The following HERPUD1 variants were observed in gnomAD, a reference collection of about 807,000 sequenced individuals.
HERPUD1 encodes homocysteine-responsive endoplasmic reticulum-resident ubiquitin-like domain member 1 protein.
In HERPUD1, 17 loss-of-function variants were observed where a neutral mutation model predicts 45.0. The ratio of observed to expected loss-of-function variants is 0.38; its 90% CI spans 0.26 to 0.57. HERPUD1 has a LOEUF of 0.57. Among genes scored for constraint, HERPUD1 ranks in the 20% least tolerant of loss-of-function variants. The pLI, the probability that HERPUD1 is intolerant of heterozygous loss-of-function variation, is 0.72. For missense variants in HERPUD1, 420 were observed against 490.5 expected, an observed-to-expected ratio of 0.86 and a Z score of 1.36; for synonymous variants, 164 against 177.5, an observed-to-expected ratio of 0.92 and a Z score of 0.61.
chr16:56,940,283 C>G, intron 6 of HERPUD1, 38 bp downstream of exon 6: 1 of 1,422,068 alleles, frequency 7.0e-7, no homozygotes, highest in Admixed American at 1.8e-5. Context: ...TTACACTACA[C>G]TGTGTTCACA....
intron 3 of HERPUD1, 71 bp downstream of exon 3, chr16:56,935,546 G>A (rs1240455531): frequency 7.7e-7 from 1 of 1,299,694 alleles, no homozygotes; most frequent in Admixed American, 1.7e-5. Context: ...AAAAGAAGTT[G>A]GATAAAACGT....
chr16:56,939,216 T>C (rs766652000), intron 4 of HERPUD1, 21 bp from the exon 5 acceptor site: 1 of 1,610,688 alleles, frequency 6.2e-7, no homozygotes, highest in Non-Finnish European at 8.5e-7. Context: ...AAAATGAGTG[T>C]TTTTTCAAAT....
intron 3 of HERPUD1, chr16:56,936,471 G>A (rs2055867061): frequency 3.1e-6 from 1 of 321,048 alleles, no homozygotes; most frequent in African/African-American, 2.1e-5. Flanking sequence ...GCATACTCTA[G>A]GGAAAAAATA....
chr16:56,939,335 A>G lies in HERPUD1; in HGVS notation c.530A>G (p.Tyr177Cys). ...WLQLSWFQQIYARQYYMQYLA... is the reference protein window; with the variant it reads ...WLQLSWFQQICARQYYMQYLA... Reference sequence around the variant, plus strand: ...CAGCTTTCCTGGTTCCAGCAGATATATGCACGACAGTACTACATGCAATAG... The same window carrying G: ...CAGCTTTCCTGGTTCCAGCAGATATGTGCACGACAGTACTACATGCAATAG... Residue 177 changes from tyrosine to cysteine, a missense_variant, in exon 5 of 8, where the codon TAT becomes TGT. By Grantham distance (194) the Tyr-to-Cys change is radical. Transcript: ENST00000439977. The G allele has an allele frequency of 6.2e-7, 1 of 1,614,190 alleles. No homozygotes were observed. The highest frequency in any genetic ancestry group is 8.5e-7 in the Non-Finnish European group (1 of 1,180,034).
intron 1 of HERPUD1, among the ~76,000 whole-genome samples, chr16:56,933,932 G>A (rs1198918360): frequency 6.6e-6 from 1 of 152,136 alleles, no homozygotes; most frequent in Non-Finnish European, 1.5e-5. Context: ...GTATGTATTA[G>A]CATTTACCTT....
rs752873588 is a variant in HERPUD1, at chr16:56,932,218, C to T, written c.-27C>T. The T allele has an allele frequency of 2.1e-5, 34 of 1,600,944 alleles. No homozygotes were observed. The highest frequency in any genetic ancestry group is 2.8e-5 in the Non-Finnish European group (33 of 1,177,856). On this transcript the variant is annotated 5_prime_UTR_variant, in exon 1 of 8. Transcript: ENST00000439977. Reference sequence around the variant, plus strand: ...GCCTGCCTGGCACCTAGGAGCGCAGCGGAGCCCCGACACCGCCGCCGCCGC... The same window carrying T: ...GCCTGCCTGGCACCTAGGAGCGCAGTGGAGCCCCGACACCGCCGCCGCCGC...
In HERPUD1 at chr16:56,936,794, C is replaced by T; in HGVS notation, c.408C>T (p.Ser136=). The T allele has an allele frequency of 6.2e-7, 1 of 1,613,826 alleles. No individual in the cohort carries two copies. The highest frequency in any genetic ancestry group is 8.5e-7 in the Non-Finnish European group (1 of 1,179,840). ...RQREVLRNLS[S]PGWENISRPE... is the part of the protein sequence containing the mutation. ...GGGAAGTTCTTCGGAACCTTTCTTC[C>T]CCTGGATGGGAAAACATCTCAAGGT... Residue 136 remains serine, a synonymous_variant, in exon 4 of 8, where the codon TCC becomes TCT. Transcript: ENST00000439977.
chr16:56,934,758 C>G (rs1342418669), intron 1 of HERPUD1, among the ~76,000 whole-genome samples: 1 of 125,826 alleles, frequency 7.9e-6, no homozygotes, highest in Non-Finnish European at 1.6e-5. Flanking sequence ...GTCGCCCAGG[C>G]TGGAGTGCAG....
At chr16:56,939,133 C>A in intron 4 of HERPUD1, 104 bp from the exon 5 acceptor site, 1 of 1,316,548 alleles carries the variant, frequency 7.6e-7, no homozygotes, top group Non-Finnish European at 1.1e-6. Flanking sequence ...AAATTCCATT[C>A]TTCTGTCTCT....
At chr16:56,935,770 T>C (rs1241673115) in intron 3 of HERPUD1, 2 of 371,074 alleles carry the variant, frequency 5.4e-6, no homozygotes, top group African/African-American at 4.1e-5. Flanking sequence ...CTAACACTAA[T>C]CGGGTTTTTA....
rs767892967 is a variant in HERPUD1, at chr16:56,939,219, T to C, written c.432-18T>C. ...CTCAACCCACTCAAAATGAGTGTTT[T>C]TTCAAATCTATGTATAGGCCTGAAG... is the stretch of plus-strand genomic sequence containing the variant. On this transcript the variant is annotated intron_variant, in intron 4 of 7. Coordinates refer to ENST00000439977, the MANE Select transcript of HERPUD1 (RefSeq NM_014685.4). The C allele has an allele frequency of 3.7e-5, 59 of 1,611,034 alleles. No homozygotes were observed. Among genetic ancestry groups the C allele is most frequent in the Admixed American group, 2.7e-4 (16 of 59,250 alleles).
chr16:56,941,877 T>G (rs2055912517), intron 6 of HERPUD1: 2 of 379,188 alleles, frequency 5.3e-6, no homozygotes, highest in East Asian at 9.0e-5. Context: ...AAGCATTTAT[T>G]GAGTGCATAC....
rs751292376 is a variant in HERPUD1 at position 56,939,867 on chromosome 16, G to GT, written c.555-27dup. 1.2e-5 allele frequency: 19 copies of GT among 1,571,964 alleles called. No individual in the cohort carries two copies. In the Admixed American group the frequency reaches 2.7e-4, roughly 22 times the overall value. On this transcript the variant is annotated intron_variant, in intron 5 of 7. Transcript: ENST00000439977. ...ACTTCACGGTGCTTTGGTCTCAACAGTATCTGCCTCTGTCGTTTTTATTTT... is the reference window on the plus strand; with the variant it reads ...ACTTCACGGTGCTTTGGTCTCAACAGTTATCTGCCTCTGTCGTTTTTATTTT...
rs554121714 is a variant in HERPUD1, at chr16:56,943,836, T to C, written c.*546T>C. On this transcript the variant is annotated 3_prime_UTR_variant, in exon 8 of 8. Transcript: ENST00000439977. Reference sequence around the variant, plus strand: ...GGGGAACTTTGCGGAGGTGAAAACCTTTGCTGGGTTTTCTGTTCAATAAAG... The same window carrying C: ...GGGGAACTTTGCGGAGGTGAAAACCCTTGCTGGGTTTTCTGTTCAATAAAG... The C allele has an allele frequency of 7.2e-4, 148 of 205,642 alleles. No homozygotes were observed. Among genetic ancestry groups the C allele is most frequent in the Non-Finnish European group, 1.3e-3 (128 of 98,138 alleles). The allele number at this position is 205,642 out of a possible 1,614,324, so 12.7% of individuals were successfully genotyped here. A position where few individuals can be genotyped will look rare whatever the true frequency, so the allele number is the denominator to read the frequency against.
chr16:56,936,238 G>A (rs2055865156), intron 3 of HERPUD1: 1 of 152,532 alleles, frequency 6.6e-6, no homozygotes, highest in Non-Finnish European at 1.5e-5. Context: ...AATCTTAAAA[G>A]CACTTTATCA....
intron 1 of HERPUD1, among the ~76,000 whole-genome samples, chr16:56,932,884 G>T (rs1246948927): frequency 6.6e-6 from 1 of 152,158 alleles, no homozygotes; most frequent in African/African-American, 2.4e-5. Context: ...ACCTTCCGCC[G>T]TGCCCCTCCC....
chr16:56,934,313 A>C (rs1039617614), intron 1 of HERPUD1, among the ~76,000 whole-genome samples: 4 of 152,098 alleles, frequency 2.6e-5, no homozygotes, highest in Non-Finnish European at 5.9e-5. Context: ...AAAATCACTG[A>C]TATGGAGGAG....
In HERPUD1 at chr16:56,943,891, C is replaced by G; in HGVS notation, c.*601C>G. On this transcript the variant is annotated 3_prime_UTR_variant, in exon 8 of 8. Coordinates refer to ENST00000439977, the MANE Select transcript of HERPUD1 (RefSeq NM_014685.4). ...ACTATGAATGACCCTGGCAGAGACTCCTGTCATCCTAGCAGTTTACTCTGC... is the reference window on the plus strand; with the variant it reads ...ACTATGAATGACCCTGGCAGAGACTGCTGTCATCCTAGCAGTTTACTCTGC... 5.2e-6 allele frequency: 1 copy of G among 192,938 alleles called. No homozygotes were observed. The highest frequency in any genetic ancestry group is 1.1e-5 in the Non-Finnish European group (1 of 90,582). The allele number at this position is 192,938 out of a possible 1,614,324, so 12.0% of individuals were successfully genotyped here.
At chr16:56,941,891 G>A (rs2055912706) in intron 6 of HERPUD1, 1 of 438,452 alleles carries the variant, frequency 2.3e-6, no homozygotes, top group Admixed American at 4.0e-5. Context: ...TGCATACTAT[G>A]TGCCAGGTGC....
Sources: allele counts gnomAD v4.1 joint callset (sites outside exome capture counted in the v4.1 genomes callset), GRCh38; gene constraint gnomAD v4.1.1; transcripts MANE v1.5; gene names NCBI Gene and HGNC (gene_info 2026-07-23, HGNC 2026-07-21).